The following PCBP3 variants were observed in gnomAD, a reference collection of about 807,000 sequenced individuals.
PCBP3 encodes poly(rC) binding protein 3, also known as poly(rC)-binding protein 3.
PCBP3 carries 25 observed loss-of-function variants against 52.7 expected under a neutral mutation model. The ratio of observed to expected loss-of-function variants is 0.47; its 90% CI spans 0.35 to 0.66. PCBP3 has a LOEUF of 0.66. PCBP3 is among the 30% of genes least tolerant of loss of function. PCBP3 has a pLI of 0.01. For synonymous variants in PCBP3, 162 were observed against 183.0 expected (o/e 0.89, Z 0.93); for missense variants, 391 against 490.3 (o/e 0.80, Z 1.91).
chr21:45,846,095 G>A (rs1004220147), intron 4 of PCBP3, among the ~76,000 whole-genome samples: 2 of 152,174 alleles, frequency 1.3e-5, no homozygotes, highest in South Asian at 2.1e-4. Flanking sequence ...TCCCCTGGGC[G>A]TGTGCGTGAG....
Position 45,791,738 on chromosome 21 carries a change from T to C in PCBP3, c.-126+36286T>C, listed in dbSNP as rs542555192. ...GAATAGTACTACTTGGTTTCCCTGG[T>C]AACTGCCAACCGCTTGACTGACTGC... On this transcript the variant is annotated intron_variant, in intron 4 of 17. Coordinates refer to ENST00000681687, the MANE Select transcript of PCBP3 (RefSeq NM_001384156.1). The surrounding 1 kb of genome is among the most constrained non-coding windows in gnomAD (Gnocchi z 4.2). Among the ~76,000 whole-genome samples the C allele has an allele frequency of 1.3e-5, 2 of 152,382 alleles. No individual in the cohort carries two copies. The highest frequency in any genetic ancestry group is 4.8e-5 in the African/African-American group (2 of 41,596).
At position 45,888,518 on chromosome 21, in the gene PCBP3, C is replaced by T. The variant is rs151062677; in HGVS notation, c.11-7690C>T. Among the ~76,000 whole-genome samples the T allele has an allele frequency of 4.0e-3, 608 of 152,334 alleles. 3 individuals are homozygous for T. The highest frequency in any genetic ancestry group is 0.014 in the African/African-American group (586 of 41,580). The stretch of plus-strand genomic sequence containing the variant: ...CCTGGGTCTCCCAGCCGGGGCCACC[C>T]ACACGCCACCGCACACAGCACCTTC... On this transcript the variant is annotated intron_variant, in intron 5 of 17. Coordinates refer to ENST00000681687, the MANE Select transcript of PCBP3 (RefSeq NM_001384156.1).
chr21:45,941,568 TCCCAGCGAGCACAGAGGCCACACAGCCC>T, intron 17 of PCBP3, 74 bp from the exon 18 acceptor site: 1 of 1,049,334 alleles, frequency 9.5e-7, no homozygotes, highest in Non-Finnish European at 1.4e-6. Flanking sequence ...GGATGGCCTG[TCCCAGCGAGCACAGAGGCCACACAGCCC>T]GGCCTCACGT....
intron 2 of PCBP3, among the ~76,000 whole-genome samples, chr21:45,692,453 C>T (rs979495557): frequency 2.0e-5 from 3 of 151,480 alleles, no homozygotes; most frequent in African/African-American, 7.3e-5. Context: ...GAATTATCTC[C>T]ACAGATCCTA....
chr21:45,828,676 G>C (rs1224412564), intron 4 of PCBP3: 1 of 152,846 alleles, frequency 6.5e-6, no homozygotes, highest in African/African-American at 2.4e-5. Context: ...CTCAGGCTGG[G>C]TGGGCTCTGT....
chr21:45,889,665 C>G (rs529474305), intron 5 of PCBP3, among the ~76,000 whole-genome samples: 2 of 152,218 alleles, frequency 1.3e-5, no homozygotes, highest in Non-Finnish European at 2.9e-5. Context: ...GCTTGGGGAC[C>G]TTTGAACAAT....
At chr21:45,905,147 G>A (rs1445009033) in intron 9 of PCBP3, among the ~76,000 whole-genome samples, 11 of 152,150 alleles carry the variant, frequency 7.2e-5, no homozygotes, top group Non-Finnish European at 1.6e-4. Flanking sequence ...TGGCCTCTTG[G>A]CTTGCCTCCA....
intron 5 of PCBP3, among the ~76,000 whole-genome samples, chr21:45,894,326 A>ATG (rs961884256): frequency 4.7e-4 from 71 of 152,234 alleles, no homozygotes; most frequent in African/African-American, 1.7e-3. Flanking sequence ...GACATAACAG[A>ATG]TGGCTGCAGG....
chr21:45,854,775 C>T (rs540913424), intron 5 of PCBP3, among the ~76,000 whole-genome samples: 2 of 152,304 alleles, frequency 1.3e-5, no homozygotes, highest in Admixed American at 6.5e-5. Flanking sequence ...TTGGATTGTT[C>T]ACTGTGAGGA....
rs78786089 is a variant in PCBP3, at chr21:45,753,277, C to T, written c.-161-2140C>T. Among the ~76,000 whole-genome samples the T allele has an allele frequency of 5.8e-3, 886 of 151,892 alleles. 10 individuals carry two copies. Among genetic ancestry groups the T allele is most frequent in the African/African-American group, 0.02 (826 of 41,420 alleles). On this transcript the variant is annotated intron_variant, in intron 3 of 17. Coordinates refer to ENST00000681687, the MANE Select transcript of PCBP3 (RefSeq NM_001384156.1). ...CTGTTCATTTCTGCTCTTAGGTCTA[C>T]GTAAGTTTAGAATTATTATGGTATC... is the stretch of plus-strand genomic sequence containing the variant.
rs140607184 is a variant in PCBP3 at position 45,800,673 on chromosome 21, C to T, written c.-126+45221C>T. On this transcript the variant is annotated intron_variant, in intron 4 of 17. Coordinates refer to ENST00000681687, the MANE Select transcript of PCBP3 (RefSeq NM_001384156.1). This position sits in a 1 kb window ranked among gnomAD's most constrained non-coding sequence, Gnocchi z 5.3. The stretch of plus-strand genomic sequence containing the variant: ...GCACCGCATGCAGCCTGGTGCACAC[C>T]TGTGCCCTCCTGAGCCTGGGTGAGG... Among the ~76,000 whole-genome samples, 4 of 152,362 alleles carry T rather than the reference C, an allele frequency of 2.6e-5. No individual in the cohort carries two copies. In the East Asian group the frequency reaches 5.8e-4, roughly 22 times the overall value.
chr21:45,703,394 C>A (rs1277556819), intron 2 of PCBP3, among the ~76,000 whole-genome samples: 2 of 152,336 alleles, frequency 1.3e-5, no homozygotes, highest in African/African-American at 4.8e-5. Context: ...CCGTGTCTTG[C>A]AGAATGGATG....
chr21:45,870,672 C>T (rs1022741377), intron 5 of PCBP3, among the ~76,000 whole-genome samples: 1 of 152,232 alleles, frequency 6.6e-6, no homozygotes, highest in Non-Finnish European at 1.5e-5. Flanking sequence ...ACTGGGAGGA[C>T]CAGAGGGTCC....
At chr21:45,931,447 G>T (rs1366902725) in intron 15 of PCBP3, among the ~76,000 whole-genome samples, 1 of 152,278 alleles carries the variant, frequency 6.6e-6, no homozygotes, top group Admixed American at 6.5e-5. Flanking sequence ...GAGGACTGCA[G>T]TGCACACACA....
chr21:45,754,004 G>C (rs1039228909), intron 3 of PCBP3, among the ~76,000 whole-genome samples: 1 of 152,036 alleles, frequency 6.6e-6, no homozygotes, highest in Non-Finnish European at 1.5e-5. Context: ...GAGAATGTGG[G>C]TAAAAAACTA....
At chr21:45,651,320 G>A (rs888873509) in intron 1 of PCBP3, among the ~76,000 whole-genome samples, 2 of 151,996 alleles carry the variant, frequency 1.3e-5, no homozygotes, top group Non-Finnish European at 2.9e-5. Context: ...TTTATACAAC[G>A]TTTTTTCTAT....
chr21:45,894,436 C>T (rs974070155), intron 5 of PCBP3, among the ~76,000 whole-genome samples: 2 of 152,106 alleles, frequency 1.3e-5, no homozygotes, highest in African/African-American at 4.8e-5. Flanking sequence ...TGTGCGGGTC[C>T]GTCGGCACCC....
Position 45,788,825 on chromosome 21 carries a change from A to T in PCBP3, c.-126+33373A>T, listed in dbSNP as rs1056850986. On this transcript the variant is annotated intron_variant, in intron 4 of 17. Coordinates refer to ENST00000681687, the MANE Select transcript of PCBP3 (RefSeq NM_001384156.1). The surrounding 1 kb of genome is among the most constrained non-coding windows in gnomAD (Gnocchi z 4.3). ...TGTGGTGACTGTCAACTTTTCATCT[A>T]TGCAGAATGTTAATGACTCACCAGT... 7 of 152,228 alleles carry T rather than the reference A, an allele frequency of 4.6e-5. No homozygotes were observed. Among genetic ancestry groups the T allele is most frequent in the African/African-American group, 1.7e-4 (7 of 41,458 alleles). 9.4% of individuals were successfully genotyped at this position (152,228 alleles called of 1,614,324 possible).
chr21:45,738,225 T>C (rs2086035176), intron 3 of PCBP3, among the ~76,000 whole-genome samples: 1 of 152,198 alleles, frequency 6.6e-6, no homozygotes, highest in African/African-American at 2.4e-5. Flanking sequence ...TTTTATTTCT[T>C]GTAATACTGA....
Sources: gnomAD v4.1 joint callset for allele counts (sites outside exome capture counted in the v4.1 genomes callset) on GRCh38, gnomAD v4.1.1 for gene constraint, Gnocchi (gnomAD v3.1) non-coding constraint, MANE v1.5 for transcripts, NCBI Gene and HGNC (gene_info 2026-07-23, HGNC 2026-07-21) for gene names.